Variants in TMEM229B observed in about 807,000 individuals in gnomAD.
TMEM229B encodes the protein chromosome 14 open reading frame 83.
TMEM229B carries 6 observed loss-of-function variants against 13.7 expected under a neutral mutation model. That is an observed-to-expected ratio of 0.44 (90% CI 0.24 to 0.86). TMEM229B has a LOEUF of 0.86. Among genes scored for constraint, TMEM229B ranks in the 40% least tolerant of loss-of-function variants. TMEM229B has a pLI of 0.23. For synonymous variants in TMEM229B, 107 were observed against 102.1 expected, an observed-to-expected ratio of 1.05 and a Z score of -0.29; for missense variants, 170 against 236.0, an observed-to-expected ratio of 0.72 and a Z score of 1.83.
At chr14:67,516,431 G>A (rs917255897), upstream of TMEM229B, among the ~76,000 whole-genome samples, 1 of 152,140 alleles carries the variant, frequency 6.6e-6, no homozygotes, top group Non-Finnish European at 1.5e-5. Flanking sequence ...CAACAAGAGA[G>A]GCTGAAGCCC....
intron 2 of TMEM229B, among the ~76,000 whole-genome samples, chr14:67,482,229 G>A (rs115332928): frequency 5.5e-4 from 84 of 152,282 alleles, no homozygotes; most frequent in Middle Eastern, 3.4e-3. Flanking sequence ...GCTGCTCTCC[G>A]AGCCTGCTGT....
chr14:67,524,722 A>G (rs1189969434), intron 1 of TMEM229B, among the ~76,000 whole-genome samples: 1 of 152,200 alleles, frequency 6.6e-6, no homozygotes, highest in Non-Finnish European at 1.5e-5. Context: ...CCAAACCACA[A>G]GAACATACTG....
At chr14:67,518,328 T>A (rs1481249944), upstream of TMEM229B, among the ~76,000 whole-genome samples, 1 of 152,234 alleles carries the variant, frequency 6.6e-6, no homozygotes, top group Non-Finnish European at 1.5e-5. Context: ...CATTTAACTT[T>A]TCTCAGCCTA....
chr14:67,527,664 C>T (rs2033388216), intron 1 of TMEM229B, among the ~76,000 whole-genome samples: 1 of 152,178 alleles, frequency 6.6e-6, no homozygotes, highest in Admixed American at 6.5e-5. Flanking sequence ...GTGTTTTGTA[C>T]CGCAGCAGCC....
At chr14:67,498,460 TC>T (rs560828795) in intron 1 of TMEM229B, among the ~76,000 whole-genome samples, 3 of 152,204 alleles carry the variant, frequency 2.0e-5, no homozygotes, top group Non-Finnish European at 4.4e-5. Context: ...TATTTCTTTC[TC>T]CTTTAGAGTA....
intron 1 of TMEM229B, among the ~76,000 whole-genome samples, chr14:67,508,772 CAG>C (rs1246880712): frequency 1.3e-5 from 1 of 74,268 alleles, no homozygotes; most frequent in Non-Finnish European, 3.1e-5. Flanking sequence ...AAAAAAAAAA[CAG>C]AAGACAATTA....
intron 1 of TMEM229B, among the ~76,000 whole-genome samples, chr14:67,511,500 A>T (rs2033024753): frequency 6.6e-6 from 1 of 152,210 alleles, no homozygotes; most frequent in South Asian, 2.1e-4. Context: ...CTGGGAGCCG[A>T]GAATCCCGAA....
At chr14:67,482,882 C>T (rs927196978) in intron 2 of TMEM229B, among the ~76,000 whole-genome samples, 21 of 152,202 alleles carry the variant, frequency 1.4e-4, no homozygotes, top group African/African-American at 4.8e-4. Flanking sequence ...CCTCCCTCCA[C>T]CTCCCAAGTC....
rs561622608 is a variant in TMEM229B, at chr14:67,476,422, A to G, written c.-18-2481T>C. Among the ~76,000 whole-genome samples, 66 of 152,174 alleles carry G rather than the reference A, an allele frequency of 4.3e-4. 1 individual carries two copies. The highest frequency in any genetic ancestry group is 1.5e-3 in the African/African-American group (61 of 41,510). The stretch of plus-strand genomic sequence containing the variant: ...GCCGACATGGTGAAACCCTGTCTCT[A>G]CTAAAAATACAAAAATTAGCTGGGT... On this transcript the variant is annotated intron_variant, in intron 2 of 2. Transcript: ENST00000554480.
intron 1 of TMEM229B, among the ~76,000 whole-genome samples, chr14:67,503,310 A>C (rs371625866): frequency 2.3e-4 from 35 of 152,360 alleles, no homozygotes; most frequent in African/African-American, 7.2e-4. Context: ...AGTGCCCTTC[A>C]GGCAGTGGAA....
At chr14:67,532,709 G>A (rs138459946) in intron 1 of TMEM229B, among the ~76,000 whole-genome samples, 1 of 152,314 alleles carries the variant, frequency 6.6e-6, no homozygotes, top group Non-Finnish European at 1.5e-5. Flanking sequence ...TACTCTCTGG[G>A]CTGTCGTAAC....
chr14:67,505,178 C>G (rs1363932508), intron 1 of TMEM229B, among the ~76,000 whole-genome samples: 1 of 152,082 alleles, frequency 6.6e-6, no homozygotes, highest in Non-Finnish European at 1.5e-5. Flanking sequence ...GCAAGGGCCC[C>G]TCTCTCAAGC....
At chr14:67,526,912 A>G (rs2140279914) in intron 1 of TMEM229B, among the ~76,000 whole-genome samples, 1 of 152,310 alleles carries the variant, frequency 6.6e-6, no homozygotes, top group South Asian at 2.1e-4. Context: ...GCCCTGACAC[A>G]CCATCGAAAA....
At position 67,474,914 on chromosome 14, in the gene TMEM229B, C is replaced by CTTTT. The variant is rs71129825; in HGVS notation, c.-18-977_-18-974dup. ...TTGCAGCACATGTCAGAATTTCCTT[C>CTTTT]TTTTTTTTTTTTTTTTTTTGTGACG... On this transcript the variant is annotated intron_variant, in intron 2 of 2. Transcript: ENST00000554480. Among the ~76,000 whole-genome samples the CTTTT allele has an allele frequency of 1.3e-3, 161 of 124,922 alleles. 2 individuals carry two copies. The highest frequency in any genetic ancestry group is 2.6e-3 in the African/African-American group (83 of 31,980). 82.0% of individuals were successfully genotyped at this position (124,922 alleles called of 152,430 possible).
intron 2 of TMEM229B, among the ~76,000 whole-genome samples, chr14:67,481,940 G>A (rs78477134): frequency 1.2e-3 from 184 of 152,338 alleles, no homozygotes; most frequent in African/African-American, 4.2e-3. Flanking sequence ...AGAAATTCAG[G>A]GTGGATTGAA....
intron 1 of TMEM229B, among the ~76,000 whole-genome samples, chr14:67,504,664 A>G (rs1397414529): frequency 1.3e-5 from 2 of 152,176 alleles, no homozygotes; most frequent in Admixed American, 6.5e-5. Flanking sequence ...AGGTGGGTGG[A>G]TCACGAGGTC....
In TMEM229B at chr14:67,473,391, G is replaced by T. The variant is rs770904906; in HGVS notation, c.*29C>A. The T allele has an allele frequency of 6.2e-7, 1 of 1,606,310 alleles. No individual in the cohort carries two copies. Among genetic ancestry groups the T allele is most frequent in the Non-Finnish European group, 8.5e-7 (1 of 1,176,376 alleles). ...CTCTTTGTCCATGAGTTCCATGAGA[G>T]ATCCCCAGGCCCCCCACCCGCTTCC... On this transcript the variant is annotated 3_prime_UTR_variant, in exon 3 of 3. Transcript: ENST00000554480. The surrounding 1 kb of genome is among the most constrained non-coding windows in gnomAD (Gnocchi z 6.5).
intron 2 of TMEM229B, among the ~76,000 whole-genome samples, chr14:67,474,205 T>C (rs1443349771): frequency 1.3e-5 from 2 of 151,816 alleles, no homozygotes; most frequent in African/African-American, 4.8e-5. Flanking sequence ...TGAGCCAAGA[T>C]TGCGCCACTG....
At chr14:67,529,330 T>C (rs79054363) in intron 1 of TMEM229B, among the ~76,000 whole-genome samples, 4,519 of 152,206 alleles carry the variant, frequency 0.03, 219 homozygotes, top group African/African-American at 0.1. Flanking sequence ...GTCCCCTGGG[T>C]GGAAGAGCCA....
Sources: gnomAD v4.1 joint callset for allele counts (sites outside exome capture counted in the v4.1 genomes callset) on GRCh38, gnomAD v4.1.1 for gene constraint, Gnocchi (gnomAD v3.1) non-coding constraint, MANE v1.5 for transcripts, NCBI Gene and HGNC (gene_info 2026-07-23, HGNC 2026-07-21) for gene names.